The following ANTXR1 variants were observed in gnomAD, a reference collection of about 807,000 sequenced individuals.
ANTXR1 encodes the protein anthrax toxin receptor 1.
A neutral mutation model predicts 78.1 loss-of-function variants in ANTXR1; 19 were observed. The observed-to-expected ratio is 0.24, with a 90% confidence interval of 0.17 to 0.36. ANTXR1 has a LOEUF of 0.36. Among genes scored for constraint, ANTXR1 ranks in the 10% least tolerant of loss-of-function variants. The pLI, the probability that ANTXR1 is intolerant of heterozygous loss-of-function variation, is 1.00. For synonymous variants in ANTXR1, 273 were observed against 260.5 expected, an observed-to-expected ratio of 1.05 and a Z score of -0.46; for missense variants, 518 against 718.6, an observed-to-expected ratio of 0.72 and a Z score of 3.19.
intron 16 of ANTXR1, among the ~76,000 whole-genome samples, chr2:69,188,033 G>A (rs1674462508): frequency 2.2e-5 from 1 of 44,458 alleles, no homozygotes; most frequent in African/African-American, 1.4e-4. Flanking sequence ...CTGCTGCCTG[G>A]CAAAAAAAAA....
chr2:69,182,530 C>T lies in ANTXR1; in HGVS notation c.1223C>T (p.Ala408Val). The T allele has an allele frequency of 6.2e-7, 1 of 1,614,180 alleles. No individual in the cohort carries two copies. The highest frequency in any genetic ancestry group is 8.5e-7 in the Non-Finnish European group (1 of 1,180,038). The change falls in exon 16 of 18, where the codon GCT becomes GTT. Residue 408 changes from alanine (A) to valine (V), a missense_variant. Ala to Val is a moderately conservative substitution (Grantham distance 64). Coordinates refer to ENST00000303714, the MANE Select transcript of ANTXR1 (RefSeq NM_032208.3). ...GAAAAGGGCTCCACAGAAGAAGGTGCTAAGTTGGAAAAGGCAAAGAATGCA... is the reference window on the plus strand; with the variant it reads ...GAAAAGGGCTCCACAGAAGAAGGTGTTAAGTTGGAAAAGGCAAAGAATGCA... The part of the protein sequence containing the change: ...WGEKGSTEEG[A>V]KLEKAKNARV...
At position 69,103,110 on chromosome 2, in the gene ANTXR1, G is replaced by A. The variant is rs1012111915; in HGVS notation, c.802+170G>A. ...TGAGCCCTTACAGTGGTTCCAGTCA[G>A]AAAAGGCACCACTTGGGTGGGCACA... On this transcript the variant is annotated intron_variant, in intron 10 of 17. Transcript: ENST00000303714. 15 of 742,150 alleles carry A rather than the reference G, an allele frequency of 2.0e-5. No individual in the cohort carries two copies. The African/African-American group carries it at 2.6e-4, about 13-fold the overall frequency. The allele number at this position is 742,150 out of a possible 1,614,324, so 46.0% of individuals were successfully genotyped here.
At chr2:69,187,585 C>CTTTGTTTTTT (rs1674450020) in intron 16 of ANTXR1, among the ~76,000 whole-genome samples, 1 of 94,898 alleles carries the variant, frequency 1.1e-5, no homozygotes, top group African/African-American at 4.6e-5. Flanking sequence ...TCATGTATTT[C>CTTTGTTTTTT]TTTTTTTTTT....
chr2:69,236,920 G>T (rs1183981453), intron 17 of ANTXR1, among the ~76,000 whole-genome samples: 2 of 152,182 alleles, frequency 1.3e-5, no homozygotes, highest in Non-Finnish European at 2.9e-5. Flanking sequence ...GTTCTGTAAA[G>T]ATAAGCACAA....
intron 6 of ANTXR1, among the ~76,000 whole-genome samples, chr2:69,074,044 A>T (rs1670654990): frequency 6.6e-6 from 1 of 152,228 alleles, no homozygotes; most frequent in Non-Finnish European, 1.5e-5. Context: ...AGCTTGGCAT[A>T]TACTTGACCA....
chr2:69,039,750 G>A (rs913879534), intron 1 of ANTXR1, among the ~76,000 whole-genome samples: 1 of 152,022 alleles, frequency 6.6e-6, no homozygotes, highest in South Asian at 2.1e-4. Context: ...ACTCATTTGT[G>A]AATCTCTTTG....
At chr2:69,083,135 A>G (rs1266684998) in intron 8 of ANTXR1, among the ~76,000 whole-genome samples, 2 of 152,162 alleles carry the variant, frequency 1.3e-5, no homozygotes, top group Non-Finnish European at 2.9e-5. Context: ...GCCCTAACAA[A>G]GCTGTGATAA....
At chr2:69,126,596 A>T (rs1672548203) in intron 12 of ANTXR1, among the ~76,000 whole-genome samples, 1 of 152,088 alleles carries the variant, frequency 6.6e-6, no homozygotes, top group Non-Finnish European at 1.5e-5. Context: ...ATTATGTCTG[A>T]CCATACCACC....
chr2:69,031,317 T>C (rs1671525609), intron 1 of ANTXR1, among the ~76,000 whole-genome samples: 1 of 152,200 alleles, frequency 6.6e-6, no homozygotes, highest in Non-Finnish European at 1.5e-5. Flanking sequence ...TTTTGTTAAG[T>C]TTTGAACAAG....
At chr2:69,015,811 A>T (rs973662990) in intron 1 of ANTXR1, among the ~76,000 whole-genome samples, 1 of 152,214 alleles carries the variant, frequency 6.6e-6, no homozygotes. Context: ...TACAATAACT[A>T]TTGCCACATA....
chr2:69,187,919 G>A (rs545286788), intron 16 of ANTXR1, among the ~76,000 whole-genome samples: 2 of 151,138 alleles, frequency 1.3e-5, no homozygotes, highest in Non-Finnish European at 2.9e-5. Context: ...AAAAAGTCAG[G>A]TGTCAGTTTA....
chr2:69,038,998 G>T (rs899238826), intron 1 of ANTXR1, among the ~76,000 whole-genome samples: 1 of 152,124 alleles, frequency 6.6e-6, no homozygotes, highest in African/African-American at 2.4e-5. Flanking sequence ...TAGCTCTCTG[G>T]ATGTTAAAAT....
At chr2:69,239,009 T>C (rs1274186027) in intron 17 of ANTXR1, among the ~76,000 whole-genome samples, 1 of 152,174 alleles carries the variant, frequency 6.6e-6, no homozygotes, top group African/African-American at 2.4e-5. Flanking sequence ...CCCACACCTC[T>C]TCTCACATCT....
At chr2:69,108,399 G>A (rs896707247) in intron 10 of ANTXR1, among the ~76,000 whole-genome samples, 3 of 152,234 alleles carry the variant, frequency 2.0e-5, no homozygotes, top group Admixed American at 2.0e-4. Context: ...CAGTAGCTTT[G>A]CCAGTGTTCA....
At chr2:69,014,524 GAATTCTGACC>G (rs372586987) in intron 1 of ANTXR1, among the ~76,000 whole-genome samples, 215 of 152,266 alleles carry the variant, frequency 1.4e-3, no homozygotes, top group African/African-American at 4.7e-3. Flanking sequence ...AGGGAGAGCT[GAATTCTGACC>G]AATGAAGCAC....
At chr2:69,171,401 T>C (rs1414133884) in intron 14 of ANTXR1, among the ~76,000 whole-genome samples, 10 of 152,250 alleles carry the variant, frequency 6.6e-5, no homozygotes. Context: ...AAACCTTTCC[T>C]TAATCCTTCA....
intron 9 of ANTXR1, among the ~76,000 whole-genome samples, chr2:69,091,165 C>T (rs867552456): frequency 5.9e-5 from 9 of 151,294 alleles, no homozygotes; most frequent in Non-Finnish European, 8.8e-5. Context: ...TTTCACTGGG[C>T]GCGGCGCCTT....
chr2:69,113,018 G>A (rs956830879), intron 10 of ANTXR1, among the ~76,000 whole-genome samples: 2 of 152,176 alleles, frequency 1.3e-5, no homozygotes, highest in African/African-American at 4.8e-5. Context: ...AAAGTTAGCT[G>A]CACCAGTCCC....
intron 17 of ANTXR1, among the ~76,000 whole-genome samples, chr2:69,212,960 CCTTTT>C (rs1307627046): frequency 2.1e-5 from 3 of 141,572 alleles, no homozygotes; most frequent in Admixed American, 6.9e-5. Flanking sequence ...GTGCACATCA[CCTTTT>C]TTTTTTTTTT....
Sources: allele counts gnomAD v4.1 joint callset (sites outside exome capture counted in the v4.1 genomes callset), GRCh38; gene constraint gnomAD v4.1.1; transcripts MANE v1.5; gene names NCBI Gene and HGNC (gene_info 2026-07-23, HGNC 2026-07-21).